Variants in TRPM3 observed in about 807,000 individuals in gnomAD.
TRPM3 encodes the protein long transient receptor potential channel 3.
In TRPM3, 77 loss-of-function variants were observed where a neutral mutation model predicts 181.2. The ratio of observed to expected loss-of-function variants is 0.42; its 90% CI spans 0.35 to 0.51. The LOEUF is 0.51. TRPM3 is among the 20% of genes least tolerant of loss of function. The pLI is 0.01. For missense variants in TRPM3, 1,759 were observed against 2,196.7 expected, an observed-to-expected ratio of 0.80 and a Z score of 3.98; for synonymous variants, 745 against 796.4, an observed-to-expected ratio of 0.94 and a Z score of 1.09.
chr9:70,819,604 G>C (rs1456642696), intron 6 of TRPM3, among the ~76,000 whole-genome samples: 1 of 152,118 alleles, frequency 6.6e-6, no homozygotes, highest in Non-Finnish European at 1.5e-5. Context: ...AGTAGCAAAA[G>C]CACTGGTTAT....
intron 1 of TRPM3, among the ~76,000 whole-genome samples, chr9:71,382,691 T>TC (rs1420597392): frequency 6.6e-6 from 1 of 151,586 alleles, no homozygotes; most frequent in Non-Finnish European, 1.5e-5. Context: ...GTATAGTCTT[T>TC]TTTTTTTTTG....
At position 70,783,157 on chromosome 9, in the gene TRPM3, C is replaced by A. The variant is rs377235005; in HGVS notation, c.1148+948G>T. Among the ~76,000 whole-genome samples the A allele has an allele frequency of 2.0e-3, 311 of 152,232 alleles. 1 individual carries two copies. Among genetic ancestry groups the A allele is most frequent in the Admixed American group, 4.2e-3 (64 of 15,280 alleles). On this transcript the variant is annotated intron_variant, in intron 7 of 25. Transcript: ENST00000677713. ...ATCTTGAGAGTGGCAATTAATTGTACGTTTTTCTTTTTTACATCTTAATGT... is the reference window on the plus strand; with the variant it reads ...ATCTTGAGAGTGGCAATTAATTGTAAGTTTTTCTTTTTTACATCTTAATGT...
At chr9:70,898,000 A>G (rs1469226686) in intron 1 of TRPM3, among the ~76,000 whole-genome samples, 1 of 152,100 alleles carries the variant, frequency 6.6e-6, no homozygotes, top group African/African-American at 2.4e-5. Context: ...AGCTCTGCAG[A>G]TCCTCTTGCT....
At chr9:70,801,661 T>C (rs2089107904) in intron 6 of TRPM3, among the ~76,000 whole-genome samples, 1 of 149,026 alleles carries the variant, frequency 6.7e-6, no homozygotes, top group African/African-American at 2.5e-5. Flanking sequence ...GTGCTTTGGG[T>C]CCTTAATCAC....
intron 22 of TRPM3, among the ~76,000 whole-genome samples, chr9:70,589,233 A>C (rs2057692592): frequency 6.6e-6 from 1 of 152,214 alleles, no homozygotes; most frequent in South Asian, 2.1e-4. Flanking sequence ...CCTTCTTTTA[A>C]AATAACAATA....
Position 70,860,311 on chromosome 9 carries a change from A to C in TRPM3, c.462+2597T>G, listed in dbSNP as rs374871380. Among the ~76,000 whole-genome samples, 156 of 152,282 alleles carry C rather than the reference A, an allele frequency of 1.0e-3. 1 individual carries two copies. The South Asian group carries it at 0.032, about 31-fold the overall frequency. On this transcript the variant is annotated intron_variant, in intron 3 of 25. Coordinates refer to ENST00000677713, the MANE Select transcript of TRPM3 (RefSeq NM_001366145.2). ...GAAGGCTGAGATCCAGTTCTGTCTG[A>C]CTTCAAGATCATGCATCTTAATCGC...
At chr9:70,669,118 G>A (rs1024172677) in intron 9 of TRPM3, among the ~76,000 whole-genome samples, 5 of 152,218 alleles carry the variant, frequency 3.3e-5, no homozygotes, top group East Asian at 1.9e-4. Context: ...GTAACTAGGG[G>A]CTGGGGGTGA....
At chr9:70,881,892 C>G (rs1189337914) in intron 1 of TRPM3, among the ~76,000 whole-genome samples, 5 of 152,162 alleles carry the variant, frequency 3.3e-5, no homozygotes, top group Admixed American at 3.3e-4. Context: ...AGGGTAGGGA[C>G]TGTGTCTCCT....
At chr9:70,697,490 A>T (rs997030223) in intron 8 of TRPM3, among the ~76,000 whole-genome samples, 1 of 152,204 alleles carries the variant, frequency 6.6e-6, no homozygotes, top group African/African-American at 2.4e-5. Context: ...GTTTATTCTC[A>T]TTATTATTAT....
chr9:71,336,121 A>G lies in TRPM3; in HGVS notation c.183+110532T>C, dbSNP rs997061971. ...ATAGAACTCATTCTTCTCACCTAGGAAGTAAGTAGGACAGTTTCATAACAT... is the reference window on the plus strand; with the variant it reads ...ATAGAACTCATTCTTCTCACCTAGGGAGTAAGTAGGACAGTTTCATAACAT... On this transcript the variant is annotated intron_variant, in intron 1 of 24. Coordinates refer to the TRPM3 transcript ENST00000357533. 2.0e-5 allele frequency among the ~76,000 whole-genome samples: 3 copies of G among 152,108 alleles called. No individual in the cohort carries two copies. In the South Asian group the frequency reaches 6.2e-4, roughly 32 times the overall value.
At chr9:71,264,091 C>T (rs535700504) in intron 1 of TRPM3, among the ~76,000 whole-genome samples, 2 of 152,256 alleles carry the variant, frequency 1.3e-5, no homozygotes, top group South Asian at 2.1e-4. Context: ...ACCATTCAGG[C>T]CACTCTCACC....
chr9:70,954,910 A>C (rs995785861), intron 1 of TRPM3, among the ~76,000 whole-genome samples: 3 of 152,132 alleles, frequency 2.0e-5, no homozygotes, highest in African/African-American at 7.2e-5. Context: ...AGCAGCCTTC[A>C]ATCTCCAGCA....
intron 1 of TRPM3, among the ~76,000 whole-genome samples, chr9:71,193,872 T>C (rs2078180064): frequency 6.6e-6 from 1 of 151,898 alleles, no homozygotes. Flanking sequence ...CTTATTATTA[T>C]AAGGTTCTGT....
At position 70,621,288 on chromosome 9, in the gene TRPM3, G is replaced by T; in HGVS notation, c.1810-15C>A. 1 of 1,593,534 alleles carries T rather than the reference G, an allele frequency of 6.3e-7. No homozygotes were observed. The highest frequency in any genetic ancestry group is 8.6e-7 in the Non-Finnish European group (1 of 1,168,726). ...AAGGCTTTGGGCTGTTAAAAAAAAC[G>T]TTGTGAACAAAGTTAGATCAGTTAG... On this transcript the variant is annotated splice_polypyrimidine_tract_variant and intron_variant, in intron 14 of 25. Coordinates refer to ENST00000677713, the MANE Select transcript of TRPM3 (RefSeq NM_001366145.2).
chr9:70,973,972 T>C (rs2097271702), intron 1 of TRPM3, among the ~76,000 whole-genome samples: 1 of 152,208 alleles, frequency 6.6e-6, no homozygotes, highest in South Asian at 2.1e-4. Flanking sequence ...ATTTATAAAA[T>C]GCCTGCACAT....
intron 1 of TRPM3, among the ~76,000 whole-genome samples, chr9:71,338,059 T>G (rs1393255282): frequency 6.6e-6 from 1 of 151,314 alleles, no homozygotes; most frequent in African/African-American, 2.4e-5. Flanking sequence ...TCTGCACATG[T>G]ACCTCAGAAC....
intron 1 of TRPM3, among the ~76,000 whole-genome samples, chr9:70,997,261 C>T (rs1040789180): frequency 2.1e-4 from 32 of 152,232 alleles, no homozygotes; most frequent in African/African-American, 6.5e-4. Context: ...TGCAGTGGCA[C>T]GATGTCAGCT....
At chr9:70,682,182 G>T (rs1413278264) in intron 8 of TRPM3, among the ~76,000 whole-genome samples, 1 of 152,090 alleles carries the variant, frequency 6.6e-6, no homozygotes, top group African/African-American at 2.4e-5. Flanking sequence ...ATAAAACTAT[G>T]ATTTTGGGGC....
chr9:71,437,300 T>C lies in TRPM3; in HGVS notation c.183+9353A>G, dbSNP rs866025074. On this transcript the variant is annotated intron_variant, in intron 1 of 24. Transcript: ENST00000357533. ...TGCAATGCCCAAATAAAATAATGGATCTTGGCAAACTCCAAATAAAGGCCA... is the reference window on the plus strand; with the variant it reads ...TGCAATGCCCAAATAAAATAATGGACCTTGGCAAACTCCAAATAAAGGCCA... Among the ~76,000 whole-genome samples, 4 of 152,302 alleles carry C rather than the reference T, an allele frequency of 2.6e-5. No homozygotes were observed. The Middle Eastern group carries it at 0.014, about 518-fold the overall frequency.
Sources: gnomAD v4.1 joint callset for allele counts (sites outside exome capture counted in the v4.1 genomes callset) on GRCh38, gnomAD v4.1.1 for gene constraint, MANE v1.5 for transcripts, NCBI Gene and HGNC (gene_info 2026-07-23, HGNC 2026-07-21) for gene names.